Variants in TRIM45 observed in about 807,000 individuals in gnomAD.
TRIM45 encodes the protein tripartite motif containing 45.
In TRIM45, 45 loss-of-function variants were observed where a neutral mutation model predicts 46.7. The observed-to-expected ratio is 0.96, with a 90% CI of 0.76 to 1.24. TRIM45 has a LOEUF of 1.24. Among genes scored for constraint, TRIM45 ranks in the 50% most tolerant of loss-of-function variants. TRIM45 has a pLI of 0.00. For synonymous variants in TRIM45, 259 were observed against 285.8 expected, an observed-to-expected ratio of 0.91 and a Z score of 0.94; for missense variants, 680 against 728.4, an observed-to-expected ratio of 0.93 and a Z score of 0.77.
intron 1 of TRIM45, 108 bp downstream of exon 1, chr1:117,120,606 A>G: frequency 6.8e-7 from 1 of 1,461,874 alleles, no homozygotes; most frequent in Non-Finnish European, 9.2e-7. Context: ...TTGACCTTCC[A>G]CGGTATTTGA....
At position 117,117,839 on chromosome 1, in the gene TRIM45, T is replaced by C. The variant is rs1257317475; in HGVS notation, c.1222+195A>G. The stretch of plus-strand genomic sequence containing the variant: ...CTGGAAAAGGGTCAAGCCTCACTCC[T>C]GTATTAACTGTACCCTAGCCAGAAC... On this transcript the variant is annotated intron_variant, in intron 2 of 5. Transcript: ENST00000256649. This position sits in a 1 kb window ranked among gnomAD's most constrained non-coding sequence, Gnocchi z 4.9. Among the ~76,000 whole-genome samples, 1 of 152,212 alleles carries C rather than the reference T, an allele frequency of 6.6e-6. No individual in the cohort carries two copies. The highest frequency in any genetic ancestry group is 1.5e-5 in the Non-Finnish European group (1 of 68,028).
At position 117,116,209 on chromosome 1, in the gene TRIM45, C is replaced by T. The variant is rs1052356347; in HGVS notation, c.1352+407G>A. On this transcript the variant is annotated intron_variant, in intron 3 of 5. Coordinates refer to ENST00000256649, the MANE Select transcript of TRIM45 (RefSeq NM_025188.4). The surrounding 1 kb of genome is among the most constrained non-coding windows in gnomAD (Gnocchi z 4.6). ...TTCATAGTATTATGGGGAGGTAAGA[C>T]GTAACTAGTGAGTTACACTCCAATA... Among the ~76,000 whole-genome samples the T allele has an allele frequency of 2.6e-5, 4 of 151,840 alleles. No individual in the cohort carries two copies. The highest frequency in any genetic ancestry group is 1.9e-4 in the East Asian group (1 of 5,162).
upstream of TRIM45, chr1:117,121,932 C>T: frequency 1.5e-6 from 1 of 686,872 alleles, no homozygotes; most frequent in Non-Finnish European, 2.7e-6. The surrounding 1 kb of genome is among the most constrained non-coding windows in gnomAD (Gnocchi z 4.2). Context: ...CTGACAAGGC[C>T]GTGGGCGGGG....
In TRIM45 at chr1:117,111,998, C is replaced by T. The variant is rs548379003; in HGVS notation, c.*307G>A. On this transcript the variant is annotated 3_prime_UTR_variant, in exon 6 of 6. Transcript: ENST00000256649. ...AGGGTTATATCAGAAAGGAACTAAA[C>T]TACCTAGACCCTTCAGTGCCAATGG... is the stretch of plus-strand genomic sequence containing the variant. 5.4e-4 allele frequency: 112 copies of T among 205,962 alleles called. No homozygotes were observed. Among genetic ancestry groups the T allele is most frequent in the African/African-American group, 2.5e-3 (108 of 42,828 alleles). The allele number at this position is 205,962 out of a possible 1,614,324, so 12.8% of individuals were successfully genotyped here.
chr1:117,120,961 G>C lies in TRIM45; in HGVS notation c.241C>G (p.Leu81Val), dbSNP rs1424020341. The C allele has an allele frequency of 3.7e-6, 6 of 1,614,174 alleles. No individual in the cohort carries two copies. Among genetic ancestry groups the C allele is most frequent in the Non-Finnish European group, 4.2e-6 (5 of 1,180,026 alleles). The change falls in exon 1 of 6, where the codon CTC becomes GTC. Residue 81 changes from leucine (L) to valine (V), a missense_variant. This residue lies in a region of TRIM45 where 349 missense variants were observed against 343.6 expected (regional missense o/e 1.02). Transcript: ENST00000256649. Reference sequence around the variant, plus strand: ...TGCGACTGCAGACTTCGTGGCTTGAGTTCCTGGAATATTGACCCCTCAGAG... The same window carrying C: ...TGCGACTGCAGACTTCGTGGCTTGACTTCCTGGAATATTGACCCCTCAGAG... ...TSSEGSIFQE[L>V]KPRSLQSQIG...
Position 117,118,814 on chromosome 1 carries a change from T to A in TRIM45, c.489-47A>T, listed in dbSNP as rs760038049. Reference sequence around the variant, plus strand: ...AACAGGAAATAAGGGGATAATTCTGTTGGGAATAGTTGGGCAGAGAGATTT... The same window carrying A: ...AACAGGAAATAAGGGGATAATTCTGATGGGAATAGTTGGGCAGAGAGATTT... On this transcript the variant is annotated intron_variant, in intron 1 of 5. Coordinates refer to ENST00000256649, the MANE Select transcript of TRIM45 (RefSeq NM_025188.4). The surrounding 1 kb of genome is among the most constrained non-coding windows in gnomAD (Gnocchi z 5.7). The A allele has an allele frequency of 6.4e-7, 1 of 1,560,600 alleles. No homozygotes were observed.
In TRIM45 at chr1:117,111,309, A is replaced by G. The variant is rs1488969382; in HGVS notation, c.*996T>C. 3.9e-5 allele frequency: 6 copies of G among 152,244 alleles called. No individual in the cohort carries two copies. Among genetic ancestry groups the G allele is most frequent in the South Asian group, 4.1e-4 (2 of 4,834 alleles). 9.4% of individuals were successfully genotyped at this position (152,244 alleles called of 1,614,324 possible). ...TACTCTAAAGACTACTCTACTAAAA[A>G]ACAGAGCTGTGAGAAGGATGAAGGT... On this transcript the variant is annotated 3_prime_UTR_variant, in exon 6 of 6. Coordinates refer to ENST00000256649, the MANE Select transcript of TRIM45 (RefSeq NM_025188.4).
In TRIM45 at chr1:117,121,093, T is replaced by G. The variant is rs1294500218; in HGVS notation, c.109A>C (p.Lys37Gln). ...AAACAAGGCAAGAGCCTGGGGGCTT[T>G]GAAAAGCCCCAAGCACAGGGGGCAG... The part of the protein sequence containing the change: ...THCPLCLGLF[K>Q]APRLLPCLHT... The change falls in exon 1 of 6, where the codon AAA (lysine) becomes CAA (glutamine). Residue 37 changes from lysine (K) to glutamine (Q), a missense_variant. Coordinates refer to ENST00000256649, the MANE Select transcript of TRIM45 (RefSeq NM_025188.4). The surrounding 1 kb of genome is among the most constrained non-coding windows in gnomAD (Gnocchi z 4.2). 1.9e-6 allele frequency: 3 copies of G among 1,613,880 alleles called. No homozygotes were observed. The highest frequency in any genetic ancestry group is 2.5e-6 in the Non-Finnish European group (3 of 1,179,986).
chr1:117,120,633 A>C, intron 1 of TRIM45, 81 bp downstream of exon 1: 1 of 1,512,722 alleles, frequency 6.6e-7, no homozygotes, highest in Non-Finnish European at 8.8e-7. Context: ...TTTCCTTTTC[A>C]TCTGCTCACC....
intron 1 of TRIM45, among the ~76,000 whole-genome samples, chr1:117,119,468 G>T (rs1024454304): frequency 6.6e-6 from 1 of 152,196 alleles, no homozygotes; most frequent in African/African-American, 2.4e-5. Flanking sequence ...TTAGCCAGGC[G>T]TGGTGGCATG....
rs532317034 is a variant in TRIM45 at position 117,117,940 on chromosome 1, T to A, written c.1222+94A>T. On this transcript the variant is annotated intron_variant, in intron 2 of 5. Coordinates refer to ENST00000256649, the MANE Select transcript of TRIM45 (RefSeq NM_025188.4). The surrounding 1 kb of genome is among the most constrained non-coding windows in gnomAD (Gnocchi z 4.9). The stretch of plus-strand genomic sequence containing the variant: ...TCCCCACCTTTGGTAACCTGGTCAG[T>A]AGGGCATGCTTCCTAGCAGAACAAG... 1.3e-5 allele frequency: 20 copies of A among 1,484,546 alleles called. No individual in the cohort carries two copies. In the African/African-American group the frequency reaches 2.1e-4, roughly 16 times the overall value. 92.0% of individuals were successfully genotyped at this position (1,484,546 alleles called of 1,614,324 possible).
At position 117,112,471 on chromosome 1, in the gene TRIM45, G is replaced by A. The variant is rs41301281; in HGVS notation, c.1595-18C>T. 0.045 allele frequency: 71,203 copies of A among 1,592,764 alleles called. 1,885 individuals carry two copies. The highest frequency in any genetic ancestry group is 0.061 in the Middle Eastern group (360 of 5,916). ...GTACCCACCTACATGGGACAAAGAG[G>A]AAAGGACAAAAATCAACCATTAGCG... On this transcript the variant is annotated intron_variant, in intron 5 of 5. Coordinates refer to ENST00000256649, the MANE Select transcript of TRIM45 (RefSeq NM_025188.4).
chr1:117,117,974 C>G lies in TRIM45; in HGVS notation c.1222+60G>C. Reference sequence around the variant, plus strand: ...CTTCCTAGCAGAACAAGCCACCAATCTTCACACACCACCTCCCTGTCCACT... The same window carrying G: ...CTTCCTAGCAGAACAAGCCACCAATGTTCACACACCACCTCCCTGTCCACT... On this transcript the variant is annotated intron_variant, in intron 2 of 5. Coordinates refer to ENST00000256649, the MANE Select transcript of TRIM45 (RefSeq NM_025188.4). This position sits in a 1 kb window ranked among gnomAD's most constrained non-coding sequence, Gnocchi z 4.9. The G allele has an allele frequency of 6.4e-7, 1 of 1,563,456 alleles. No individual in the cohort carries two copies. The highest frequency in any genetic ancestry group is 8.7e-7 in the Non-Finnish European group (1 of 1,154,556).
In TRIM45 at chr1:117,118,702, A is replaced by G. The variant is rs746398401; in HGVS notation, c.554T>C (p.Ile185Thr). 6.2e-7 allele frequency: 1 copy of G among 1,613,748 alleles called. No homozygotes were observed. The change falls in exon 2 of 6, where the codon ATT becomes ACT. Residue 185 changes from isoleucine (I) to threonine (T), a missense_variant. Ile to Thr is a moderately conservative substitution (Grantham distance 89). Coordinates refer to ENST00000256649, the MANE Select transcript of TRIM45 (RefSeq NM_025188.4). This position sits in a 1 kb window ranked among gnomAD's most constrained non-coding sequence, Gnocchi z 5.7. The part of the protein sequence containing the change: ...DLKDLKGYSR[I>T]GKPILCPVHP... ...AACAGGACACAGGATGGGCTTCCCA[A>G]TCCGGCTGTAGCCTTTCAAGTCTTT...
Position 117,113,590 on chromosome 1 carries a change from T to G in TRIM45, c.1468-105A>C. On this transcript the variant is annotated intron_variant, in intron 4 of 5. Coordinates refer to ENST00000256649, the MANE Select transcript of TRIM45 (RefSeq NM_025188.4). This position sits in a 1 kb window ranked among gnomAD's most constrained non-coding sequence, Gnocchi z 4.0. ...GAGTCTGAGGCACAGGGCCTGTCCTTGGATGGACAAGGACAACAGGAAAGA... is the reference window on the plus strand; with the variant it reads ...GAGTCTGAGGCACAGGGCCTGTCCTGGGATGGACAAGGACAACAGGAAAGA... 1.4e-6 allele frequency: 2 copies of G among 1,431,300 alleles called. No individual in the cohort carries two copies. 88.7% of individuals were successfully genotyped at this position (1,431,300 alleles called of 1,614,324 possible).
In TRIM45 at chr1:117,118,578, G is replaced by A; in HGVS notation, c.678C>T (p.Phe226=). The A allele has an allele frequency of 6.2e-7, 1 of 1,614,178 alleles. No individual in the cohort carries two copies. ...VGEHREHPCD[F]TSNVIHKHGD... ...CATGCTTGTGGATGACATTGCTGGT[G>A]AAGTCACAGGGGTGTTCCCGATGCT... Residue 226 remains phenylalanine (F), a synonymous_variant, in exon 2 of 6, where the codon TTC becomes TTT. Transcript: ENST00000256649. This position sits in a 1 kb window ranked among gnomAD's most constrained non-coding sequence, Gnocchi z 5.7.
intron 5 of TRIM45, among the ~76,000 whole-genome samples, chr1:117,112,764 T>A (rs192509902): frequency 2.0e-5 from 3 of 152,168 alleles, no homozygotes; most frequent in Admixed American, 2.0e-4. Context: ...ATTTTAACTG[T>A]AAAATCATTG....
Position 117,121,707 on chromosome 1 carries a change from C to A in TRIM45, c.-506G>T, listed in dbSNP as rs995772295. 1.0e-5 allele frequency: 6 copies of A among 574,478 alleles called. No individual in the cohort carries two copies. Among genetic ancestry groups the A allele is most frequent in the African/African-American group, 2.0e-5 (1 of 50,286 alleles). 35.6% of individuals were successfully genotyped at this position (574,478 alleles called of 1,614,324 possible). On this transcript the variant is annotated 5_prime_UTR_variant, in exon 1 of 6. Transcript: ENST00000256649. This position sits in a 1 kb window ranked among gnomAD's most constrained non-coding sequence, Gnocchi z 4.2. Reference sequence around the variant, plus strand: ...CGCCGGCGGGCTTCTCGGTGTCCACCGCCTCTCCCGCGCCTCGGCCCGGGA... The same window carrying A: ...CGCCGGCGGGCTTCTCGGTGTCCACAGCCTCTCCCGCGCCTCGGCCCGGGA...
chr1:117,115,303 T>G lies in TRIM45; in HGVS notation c.1467+272A>C, dbSNP rs2101337834. Reference sequence around the variant, plus strand: ...ATCACCCCCTGTGATCAAGACATCTTCTCCATATTAAGAATCCTAAGAAAC... The same window carrying G: ...ATCACCCCCTGTGATCAAGACATCTGCTCCATATTAAGAATCCTAAGAAAC... On this transcript the variant is annotated intron_variant, in intron 4 of 5. Transcript: ENST00000256649. This position sits in a 1 kb window ranked among gnomAD's most constrained non-coding sequence, Gnocchi z 4.2. Among the ~76,000 whole-genome samples, 1 of 152,222 alleles carries G rather than the reference T, an allele frequency of 6.6e-6. No homozygotes were observed. Among genetic ancestry groups the G allele is most frequent in the African/African-American group, 2.4e-5 (1 of 41,502 alleles).
Sources: allele counts gnomAD v4.1 joint callset (sites outside exome capture counted in the v4.1 genomes callset), GRCh38; gene constraint gnomAD v4.1.1; regional missense constraint gnomAD v4.1.1; non-coding constraint Gnocchi (gnomAD v3.1); transcripts MANE v1.5; gene names NCBI Gene and HGNC (gene_info 2026-07-23, HGNC 2026-07-21).